Variants in ARHGEF10L observed in about 807,000 individuals in gnomAD.
The protein encoded by ARHGEF10L is rho guanine nucleotide exchange factor 10-like protein.
ARHGEF10L carries 69 observed loss-of-function variants against 141.2 expected under a neutral mutation model. The observed-to-expected ratio is 0.49, with a 90% CI of 0.40 to 0.60. ARHGEF10L has a LOEUF of 0.60. Ranked by LOEUF, ARHGEF10L falls within the 20% of genes least tolerant of loss-of-function variation. ARHGEF10L has a pLI of 0.00. For synonymous variants in ARHGEF10L, 711 were observed against 718.5 expected (o/e 0.99, Z 0.17); for missense variants, 1,482 against 1,734.3 (o/e 0.85, Z 2.58).
At chr1:17,544,359 C>T (rs142779959) in intron 1 of ARHGEF10L, among the ~76,000 whole-genome samples, 3,775 of 151,824 alleles carry the variant, frequency 0.025, 103 homozygotes, top group East Asian at 0.15. Flanking sequence ...GGCATGATCT[C>T]GGCTCACTAC....
At position 17,671,940 on chromosome 1, in the gene ARHGEF10L, A is replaced by C. The variant is rs149219873; in HGVS notation, c.3009+7345A>C. Reference sequence around the variant, plus strand: ...CTCAGGGAGATGGGCTCTGTCTGTAATGTTTCCCCAAGTGGGGGGTGGGGG... The same window carrying C: ...CTCAGGGAGATGGGCTCTGTCTGTACTGTTTCCCCAAGTGGGGGGTGGGGG... On this transcript the variant is annotated intron_variant, in intron 26 of 28. Coordinates refer to ENST00000361221, the MANE Select transcript of ARHGEF10L (RefSeq NM_018125.4). 4.5e-3 allele frequency among the ~76,000 whole-genome samples: 679 copies of C among 152,288 alleles called. 6 individuals are homozygous for C. Among genetic ancestry groups the C allele is most frequent in the African/African-American group, 0.015 (640 of 41,552 alleles).
chr1:17,595,451 G>T (rs1227469507), intron 4 of ARHGEF10L, among the ~76,000 whole-genome samples: 2 of 152,066 alleles, frequency 1.3e-5, no homozygotes, highest in Non-Finnish European at 2.9e-5. Flanking sequence ...CATGTGTGTG[G>T]GGGGCCACCT....
At chr1:17,622,625 T>C (rs2060164148) in intron 11 of ARHGEF10L, among the ~76,000 whole-genome samples, 2 of 152,014 alleles carry the variant, frequency 1.3e-5, no homozygotes, top group Non-Finnish European at 2.9e-5. Flanking sequence ...ACAAAGCTAA[T>C]TGGAGAGTGA....
chr1:17,692,796 C>G (rs1460348848), intron 27 of ARHGEF10L, among the ~76,000 whole-genome samples: 1 of 152,238 alleles, frequency 6.6e-6, no homozygotes, highest in Non-Finnish European at 1.5e-5. Context: ...CCTGACCCAT[C>G]CCCTCTTCTG....
At chr1:17,651,578 C>T (rs35492435) in intron 22 of ARHGEF10L, among the ~76,000 whole-genome samples, 38 of 152,318 alleles carry the variant, frequency 2.5e-4, no homozygotes, top group East Asian at 3.9e-4. Context: ...GAACTGGCCA[C>T]TGCCTCCAAG....
intron 26 of ARHGEF10L, among the ~76,000 whole-genome samples, chr1:17,677,858 C>G (rs1002183067): frequency 3.9e-5 from 6 of 152,168 alleles, no homozygotes; most frequent in Non-Finnish European, 8.8e-5. Context: ...GAACAGATAA[C>G]AAGACAATCC....
chr1:17,516,017 G>T, the ARHGEF10L span, among the ~76,000 whole-genome samples: 1 of 152,264 alleles, frequency 6.6e-6, no homozygotes. Context: ...TGTACAGATG[G>T]CAGAGAAGAC....
intron 21 of ARHGEF10L, among the ~76,000 whole-genome samples, chr1:17,645,040 G>C (rs1238704413): frequency 6.6e-6 from 1 of 152,158 alleles, no homozygotes; most frequent in African/African-American, 2.4e-5. Flanking sequence ...TTGTTCTGAG[G>C]GTAGCGGGGG....
At chr1:17,534,592 T>TC in the ARHGEF10L span, among the ~76,000 whole-genome samples, 1 of 124,056 alleles carries the variant, frequency 8.1e-6, no homozygotes, top group East Asian at 2.2e-4. Flanking sequence ...CATTTTCTGA[T>TC]TTTTTTTTTT....
chr1:17,628,836 GC>G (rs2060521814), intron 15 of ARHGEF10L, among the ~76,000 whole-genome samples: 1 of 152,110 alleles, frequency 6.6e-6, no homozygotes, highest in Admixed American at 6.5e-5. Flanking sequence ...AGTATAGAAT[GC>G]TGTCTAACCT....
chr1:17,593,617 T>C (rs1338623568), intron 4 of ARHGEF10L, among the ~76,000 whole-genome samples: 3 of 152,140 alleles, frequency 2.0e-5, no homozygotes, highest in Non-Finnish European at 4.4e-5. Flanking sequence ...AGGTGGGGGA[T>C]GGCTTCTCCC....
chr1:17,691,253 T>A, intron 27 of ARHGEF10L: 2 of 384,934 alleles, frequency 5.2e-6, no homozygotes, highest in Non-Finnish European at 1.0e-5. Context: ...CATTAGAATT[T>A]TTTTTTTCTT....
intron 2 of ARHGEF10L, among the ~76,000 whole-genome samples, chr1:17,583,715 C>G (rs993939810): frequency 2.6e-5 from 4 of 152,166 alleles, no homozygotes; most frequent in Non-Finnish European, 5.9e-5. Context: ...CACCCCCACT[C>G]CCTGCCCAGC....
At chr1:17,648,479 C>A (rs2061724977) in intron 21 of ARHGEF10L, 75 bp from the exon 22 acceptor site, 1 of 1,575,078 alleles carries the variant, frequency 6.3e-7, no homozygotes, top group South Asian at 1.2e-5. Context: ...CTCCCTGGGG[C>A]TTGGAGGGCT....
intron 4 of ARHGEF10L, among the ~76,000 whole-genome samples, chr1:17,598,413 T>C (rs530873172): frequency 2.6e-5 from 4 of 152,340 alleles, no homozygotes; most frequent in Admixed American, 2.6e-4. Flanking sequence ...AAGAGACTTA[T>C]TTCTCACAGT....
upstream of ARHGEF10L, among the ~76,000 whole-genome samples, chr1:17,537,361 G>A (rs531712174): frequency 7.2e-5 from 11 of 152,336 alleles, no homozygotes; most frequent in South Asian, 2.1e-3. Flanking sequence ...GTTCTAGGGT[G>A]TCCTTTAGAA....
At chr1:17,593,359 C>A (rs2079761250) in intron 4 of ARHGEF10L, among the ~76,000 whole-genome samples, 1 of 152,166 alleles carries the variant, frequency 6.6e-6, no homozygotes, top group South Asian at 2.1e-4. Context: ...GTGTCTTCAT[C>A]CCCAGCACCT....
intron 1 of ARHGEF10L, among the ~76,000 whole-genome samples, chr1:17,561,227 G>A (rs2077531009): frequency 6.6e-6 from 1 of 152,138 alleles, no homozygotes; most frequent in Admixed American, 6.5e-5. Flanking sequence ...GCAACCAGTG[G>A]GCCTCAAAGG....
At chr1:17,595,344 C>T (rs1332779309) in intron 4 of ARHGEF10L, among the ~76,000 whole-genome samples, 7 of 151,808 alleles carry the variant, frequency 4.6e-5, no homozygotes, top group Non-Finnish European at 1.0e-4. Flanking sequence ...GGGTGCAGGG[C>T]CTCTCCATGT....
Sources: allele counts gnomAD v4.1 joint callset (sites outside exome capture counted in the v4.1 genomes callset), GRCh38; gene constraint gnomAD v4.1.1; transcripts MANE v1.5; gene names NCBI Gene and HGNC (gene_info 2026-07-23, HGNC 2026-07-21).